The following FARP1 variants were observed in gnomAD, a reference collection of about 807,000 sequenced individuals.
FARP1 encodes FERM, ARHGEF and pleckstrin domain-containing protein 1.
Under a neutral mutation model 128.8 loss-of-function variants are expected in FARP1, and 52 were observed. The observed-to-expected ratio is 0.40, with a 90% confidence interval of 0.32 to 0.51. The LOEUF (loss-of-function observed/expected upper bound fraction) is 0.51, where lower values mean the gene tolerates loss of function less well. Ranked by LOEUF, FARP1 falls within the 20% of genes least tolerant of loss-of-function variation. The pLI is 0.45. For synonymous variants in FARP1, 580 were observed against 551.8 expected (o/e 1.05, Z -0.72); for missense variants, 1,333 against 1,367.9 (o/e 0.97, Z 0.40).
At chr13:98,306,149 C>T (rs1322490682) in intron 2 of FARP1, among the ~76,000 whole-genome samples, 1 of 152,206 alleles carries the variant, frequency 6.6e-6, no homozygotes, top group African/African-American at 2.4e-5. Context: ...TATGCAGTTA[C>T]TTACAGTTAA....
At chr13:98,355,913 A>G (rs1888619028) in intron 3 of FARP1, among the ~76,000 whole-genome samples, 1 of 152,102 alleles carries the variant, frequency 6.6e-6, no homozygotes, top group Non-Finnish European at 1.5e-5. Flanking sequence ...ATTTTTCACA[A>G]ATTCTTCAAT....
At chr13:98,197,134 GCTTTAGGAAATGGCTTC>G (rs1467073177) in intron 1 of FARP1, among the ~76,000 whole-genome samples, 1 of 152,146 alleles carries the variant, frequency 6.6e-6, no homozygotes, top group African/African-American at 2.4e-5. Flanking sequence ...AATTTGGTAA[GCTTTAGGAAATGGCTTC>G]CTTTTTCATA....
At chr13:98,261,821 A>G (rs1283649762) in intron 2 of FARP1, among the ~76,000 whole-genome samples, 1 of 151,976 alleles carries the variant, frequency 6.6e-6, no homozygotes, top group Non-Finnish European at 1.5e-5. Flanking sequence ...GCGAGAACTC[A>G]CTGTTGCTGT....
chr13:98,218,202 C>G (rs1881204109), intron 2 of FARP1, among the ~76,000 whole-genome samples: 1 of 151,912 alleles, frequency 6.6e-6, no homozygotes, highest in Non-Finnish European at 1.5e-5. Flanking sequence ...CCACGCCATC[C>G]TCACCCCGAA....
At chr13:98,204,241 T>C (rs1880131260) in intron 1 of FARP1, 1 of 152,248 alleles carries the variant, frequency 6.6e-6, no homozygotes, top group African/African-American at 2.4e-5. Context: ...TCTTTTTTGT[T>C]ATAACCATTA....
rs1358562436 is a variant in FARP1 at position 98,453,100 on chromosome 13, C to T, written c.*4783C>T. 22 of 1,576,900 alleles carry T rather than the reference C, an allele frequency of 1.4e-5. No homozygotes were observed. The highest frequency in any genetic ancestry group is 6.8e-5 in the African/African-American group (5 of 73,830). On this transcript the variant is annotated 3_prime_UTR_variant, in exon 27 of 27. Coordinates refer to ENST00000319562, the MANE Select transcript of FARP1 (RefSeq NM_005766.4). ...CTTCGGTGGAGTCAGCGAAGGCTCTCGTTGACTTTTAAAAAAGGAGGAGGA... is the reference window on the plus strand; with the variant it reads ...CTTCGGTGGAGTCAGCGAAGGCTCTTGTTGACTTTTAAAAAAGGAGGAGGA...
rs60890411 is a variant in FARP1 at position 98,312,135 on chromosome 13, CTTTTTT to C, written c.172-31613_172-31608del. 1.2e-4 allele frequency among the ~76,000 whole-genome samples: 10 copies of C among 86,120 alleles called. 1 individual carries two copies. Among genetic ancestry groups the C allele is most frequent in the African/African-American group, 2.4e-4 (5 of 20,934 alleles). 56.5% of individuals were successfully genotyped at this position (86,120 alleles called of 152,430 possible). ...GTGCTGGGATTGCAGGTGGTAACTG[CTTTTTT>C]TTTTTTTTTTTTTCTTTGAGACGGA... On this transcript the variant is annotated intron_variant, in intron 2 of 26. Transcript: ENST00000319562.
At chr13:98,161,501 G>A (rs532380582) in intron 1 of FARP1, among the ~76,000 whole-genome samples, 2 of 152,010 alleles carry the variant, frequency 1.3e-5, no homozygotes, top group East Asian at 1.9e-4. Context: ...ACAGGCATGA[G>A]CCACCATGCT....
rs576083157 is a variant in FARP1 at position 98,311,832 on chromosome 13, G to GT, written c.172-31921dup. ...AACTGCTGTTCTTTTATTTCGTTTT[G>GT]TTTTTTTTTGTTGTTTTTTGTTTTT... On this transcript the variant is annotated intron_variant, in intron 2 of 26. Transcript: ENST00000319562. 9.7e-4 allele frequency among the ~76,000 whole-genome samples: 138 copies of GT among 141,674 alleles called. 1 individual carries two copies. In the South Asian group the frequency reaches 0.012, roughly 12 times the overall value. 92.9% of individuals were successfully genotyped at this position (141,674 alleles called of 152,430 possible).
chr13:98,378,137 T>C (rs1364662335), intron 6 of FARP1, among the ~76,000 whole-genome samples: 2 of 152,228 alleles, frequency 1.3e-5, no homozygotes, highest in Non-Finnish European at 2.9e-5. Flanking sequence ...TCTGTTCAGG[T>C]GTTTGTCTTT....
At chr13:98,143,688 C>T (rs1379658643) in intron 1 of FARP1, among the ~76,000 whole-genome samples, 196 bp downstream of exon 1, 1 of 151,244 alleles carries the variant, frequency 6.6e-6, no homozygotes, top group Non-Finnish European at 1.5e-5. Context: ...CCCCGGCCAC[C>T]ATCGCAGGAG....
Position 98,309,709 on chromosome 13 carries a change from A to C in FARP1, c.172-34053A>C, listed in dbSNP as rs1886366367. On this transcript the variant is annotated intron_variant, in intron 2 of 26. Coordinates refer to ENST00000319562, the MANE Select transcript of FARP1 (RefSeq NM_005766.4). Reference sequence around the variant, plus strand: ...CAGAACAAGGAAGGCAGAAACTGCCAAAAACAGCAAACGCCGTCAAGGCAC... The same window carrying C: ...CAGAACAAGGAAGGCAGAAACTGCCCAAAACAGCAAACGCCGTCAAGGCAC... 2.6e-5 allele frequency among the ~76,000 whole-genome samples: 4 copies of C among 152,232 alleles called. No individual in the cohort carries two copies. In the South Asian group the frequency reaches 8.3e-4, roughly 31 times the overall value.
chr13:98,332,820 C>T (rs567044644), intron 2 of FARP1: 67 of 152,308 alleles, frequency 4.4e-4, no homozygotes, highest in African/African-American at 1.2e-3. Context: ...TGAAGAACTT[C>T]GCCTGCATAT....
intron 16 of FARP1, among the ~76,000 whole-genome samples, chr13:98,416,164 T>A (rs1169312170): frequency 6.6e-6 from 1 of 152,108 alleles, no homozygotes; most frequent in Non-Finnish European, 1.5e-5. Context: ...CATAGGAGAG[T>A]CGGCAAAACT....
intron 2 of FARP1, among the ~76,000 whole-genome samples, chr13:98,251,952 A>G (rs1243040890): frequency 6.6e-6 from 1 of 152,046 alleles, no homozygotes; most frequent in African/African-American, 2.4e-5. Context: ...GGTCCAAGCG[A>G]TTCTCCTGCG....
chr13:98,218,934 T>A (rs1881259751), intron 2 of FARP1, among the ~76,000 whole-genome samples: 1 of 152,226 alleles, frequency 6.6e-6, no homozygotes, highest in Non-Finnish European at 1.5e-5. Flanking sequence ...CCACGTAGGT[T>A]CTTTTCTGGT....
chr13:98,278,280 ATG>A (rs918503067), intron 2 of FARP1, among the ~76,000 whole-genome samples: 2 of 146,392 alleles, frequency 1.4e-5, no homozygotes, highest in Non-Finnish European at 3.0e-5. Flanking sequence ...TATTTTGTGA[ATG>A]TGTGTATGTA....
In FARP1 at chr13:98,314,240, TC is replaced by T. The variant is rs145150754; in HGVS notation, c.172-29521del. On this transcript the variant is annotated intron_variant, in intron 2 of 26. Transcript: ENST00000319562. ...TGAGATCCTACTATATACCTGGCAT[TC>T]TGCTGGTTAGCAACATTTATTATAT... 5.8e-3 allele frequency among the ~76,000 whole-genome samples: 877 copies of T among 151,934 alleles called. 9 individuals carry two copies. Among genetic ancestry groups the T allele is most frequent in the African/African-American group, 0.02 (817 of 41,436 alleles).
At chr13:98,149,070 T>C (rs777772929) in intron 1 of FARP1, among the ~76,000 whole-genome samples, 20 of 152,172 alleles carry the variant, frequency 1.3e-4, no homozygotes, top group Non-Finnish European at 2.5e-4. Flanking sequence ...GTATTTTTAC[T>C]AGAGATGGGG....
Sources: gnomAD v4.1 joint callset for allele counts (sites outside exome capture counted in the v4.1 genomes callset) on GRCh38, gnomAD v4.1.1 for gene constraint, MANE v1.5 for transcripts, NCBI Gene and HGNC (gene_info 2026-07-23, HGNC 2026-07-21) for gene names.